CCDC6: variants seen among roughly 807,000 people sequenced by gnomAD.
The protein encoded by CCDC6 is coiled-coil domain-containing protein 6.
Under a neutral mutation model 56.6 loss-of-function variants are expected in CCDC6, and 20 were observed. The ratio of observed to expected loss-of-function variants is 0.35; its 90% CI spans 0.25 to 0.51. The LOEUF (loss-of-function observed/expected upper bound fraction) is 0.51, where lower values mean the gene tolerates loss of function less well. Ranked by LOEUF, CCDC6 falls within the 20% of genes least tolerant of loss-of-function variation. CCDC6 has a pLI of 0.95. For missense variants in CCDC6, 367 were observed against 601.1 expected (o/e 0.61, Z 4.07); for synonymous variants, 241 against 234.4 (o/e 1.03, Z -0.26).
At position 59,802,231 on chromosome 10, in the gene CCDC6, G is replaced by C. The variant is rs904086973; in HGVS notation, c.1105+2189C>G. Among the ~76,000 whole-genome samples, 74 of 152,116 alleles carry C rather than the reference G, an allele frequency of 4.9e-4. 1 individual carries two copies. Among genetic ancestry groups the C allele is most frequent in the African/African-American group, 1.7e-3 (72 of 41,406 alleles). On this transcript the variant is annotated intron_variant, in intron 7 of 8. Transcript: ENST00000263102. ...TAGTTTTAGGCTATGTATTTTTCAA[G>C]TACATTTTCAATATGTAATTGCCAA...
intron 3 of CCDC6, among the ~76,000 whole-genome samples, chr10:59,819,789 T>C (rs906011840): frequency 2.0e-5 from 3 of 152,184 alleles, no homozygotes; most frequent in African/African-American, 7.2e-5. Context: ...CACTCATCCC[T>C]TACCAAACAT....
At chr10:59,812,252 T>TGTA (rs1299780936) in intron 5 of CCDC6, among the ~76,000 whole-genome samples, 3 of 152,204 alleles carry the variant, frequency 2.0e-5, no homozygotes, top group Non-Finnish European at 4.4e-5. Context: ...TAAGGTTGAA[T>TGTA]GTAGTAGTAA....
intron 6 of CCDC6, chr10:59,805,654 T>C (rs1045848160): frequency 1.3e-5 from 2 of 152,170 alleles, no homozygotes; most frequent in Admixed American, 6.5e-5. Context: ...TTAAGGGATA[T>C]AGATTTTAGG....
intron 3 of CCDC6, among the ~76,000 whole-genome samples, chr10:59,819,056 T>C (rs997091347): frequency 2.6e-5 from 4 of 152,180 alleles, no homozygotes; most frequent in African/African-American, 9.6e-5. Context: ...CTTTAATATA[T>C]GCATAACTCA....
chr10:59,801,850 C>T (rs181167855), intron 7 of CCDC6, among the ~76,000 whole-genome samples: 13 of 152,156 alleles, frequency 8.5e-5, no homozygotes, highest in Non-Finnish European at 1.8e-4. Context: ...TCTGACATAC[C>T]CTCATCACTT....
intron 2 of CCDC6, among the ~76,000 whole-genome samples, chr10:59,844,553 C>T (rs898369121): frequency 1.3e-5 from 2 of 150,560 alleles, no homozygotes; most frequent in African/African-American, 2.4e-5. Context: ...AATCCAAGAC[C>T]GGCCTGGCCA....
chr10:59,834,975 A>T, intron 2 of CCDC6, among the ~76,000 whole-genome samples: 1 of 152,262 alleles, frequency 6.6e-6, no homozygotes, highest in East Asian at 1.9e-4. Flanking sequence ...TGCAGGTACT[A>T]TGAGAATGGT....
At chr10:59,842,422 C>CTTT (rs1424365916) in intron 2 of CCDC6, among the ~76,000 whole-genome samples, 1 of 152,178 alleles carries the variant, frequency 6.6e-6, no homozygotes, top group African/African-American at 2.4e-5. Context: ...AATTGTTACA[C>CTTT]TTTATCAAAT....
At chr10:59,850,855 C>A (rs938400348) in intron 2 of CCDC6, among the ~76,000 whole-genome samples, 2 of 152,096 alleles carry the variant, frequency 1.3e-5, no homozygotes, top group Non-Finnish European at 2.9e-5. Flanking sequence ...CTATAAATAA[C>A]TTCCTTTGCT....
At chr10:59,861,906 G>T (rs775740284) in intron 1 of CCDC6, among the ~76,000 whole-genome samples, 1 of 152,148 alleles carries the variant, frequency 6.6e-6, no homozygotes, top group Admixed American at 6.5e-5. Flanking sequence ...GAGAAGATAT[G>T]GCGAAAGTTT....
At chr10:59,851,525 A>C (rs1429102209) in intron 2 of CCDC6, among the ~76,000 whole-genome samples, 2 of 152,196 alleles carry the variant, frequency 1.3e-5, no homozygotes, top group African/African-American at 4.8e-5. Context: ...CAGGGGTAAA[A>C]GCTGCCTGGA....
chr10:59,903,504 C>T (rs1346628810), intron 1 of CCDC6, among the ~76,000 whole-genome samples: 3 of 152,018 alleles, frequency 2.0e-5, no homozygotes, highest in Admixed American at 2.0e-4. Context: ...AAAAAAGAGC[C>T]CGGCTCTTCC....
Position 59,792,597 on chromosome 10 carries a change from G to A in CCDC6, c.*320C>T, listed in dbSNP as rs761084244. The A allele has an allele frequency of 1.7e-5, 11 of 664,496 alleles. No individual in the cohort carries two copies. The highest frequency in any genetic ancestry group is 2.5e-5 in the Non-Finnish European group (9 of 354,550). 41.2% of individuals were successfully genotyped at this position (664,496 alleles called of 1,614,324 possible). A position where few individuals can be genotyped will look rare whatever the true frequency, so the allele number is the denominator to read the frequency against. ...TCTTTTACAAACCTAAAAGCCAGGA[G>A]AATGAAGCTCTGGGCCAAGCAAAAA... On this transcript the variant is annotated 3_prime_UTR_variant, in exon 9 of 9. Transcript: ENST00000263102.
At position 59,806,911 on chromosome 10, in the gene CCDC6, C is replaced by T; in HGVS notation, c.1004+11G>A. The T allele has an allele frequency of 6.2e-6, 10 of 1,611,996 alleles. No individual in the cohort carries two copies. The highest frequency in any genetic ancestry group is 7.6e-6 in the Non-Finnish European group (9 of 1,179,266). ...TTAAACAAAAACAAGGCTCATAAGACATGCACACACCTTTCGTCGTCCATT... is the reference window on the plus strand; with the variant it reads ...TTAAACAAAAACAAGGCTCATAAGATATGCACACACCTTTCGTCGTCCATT... On this transcript the variant is annotated intron_variant, in intron 6 of 8. Coordinates refer to ENST00000263102, the MANE Select transcript of CCDC6 (RefSeq NM_005436.5).
intron 1 of CCDC6, among the ~76,000 whole-genome samples, chr10:59,887,067 T>C (rs779152130): frequency 6.6e-6 from 1 of 152,146 alleles, no homozygotes; most frequent in Non-Finnish European, 1.5e-5. Flanking sequence ...GAATTACACA[T>C]ATATAGGGCA....
In CCDC6 at chr10:59,835,680, C is replaced by A. The variant is rs10994039; in HGVS notation, c.454-3027G>T. On this transcript the variant is annotated intron_variant, in intron 2 of 8. Coordinates refer to ENST00000263102, the MANE Select transcript of CCDC6 (RefSeq NM_005436.5). ...TTGTTCTGCCACCTCAGGTGACATG[C>A]AACAGAAGCAGAGCATGGAGTTCCT... Among the ~76,000 whole-genome samples, 877 of 152,324 alleles carry A rather than the reference C, an allele frequency of 5.8e-3. 13 individuals carry two copies. Among genetic ancestry groups the A allele is most frequent in the East Asian group, 0.035 (181 of 5,190 alleles).
intron 1 of CCDC6, among the ~76,000 whole-genome samples, chr10:59,867,912 T>G (rs981539277): frequency 6.6e-6 from 1 of 152,120 alleles, no homozygotes; most frequent in Admixed American, 6.6e-5. Context: ...GCCCCCACTT[T>G]GAGTTGTCCT....
intron 1 of CCDC6, among the ~76,000 whole-genome samples, chr10:59,887,481 T>TA (rs60170273): frequency 0.035 from 4,796 of 136,504 alleles, 99 homozygotes; most frequent in Middle Eastern, 0.088. Context: ...ATGCAACTGT[T>TA]AAAAAAAAAA....
At chr10:59,860,729 T>C (rs980629447) in intron 1 of CCDC6, among the ~76,000 whole-genome samples, 2 of 152,018 alleles carry the variant, frequency 1.3e-5, no homozygotes, top group African/African-American at 2.4e-5. Flanking sequence ...CATGACCTAA[T>C]AGAAAAAGAG....
Sources: gnomAD v4.1 joint callset for allele counts (sites outside exome capture counted in the v4.1 genomes callset) on GRCh38, gnomAD v4.1.1 for gene constraint, MANE v1.5 for transcripts, NCBI Gene and HGNC (gene_info 2026-07-23, HGNC 2026-07-21) for gene names.